Variants in CREBBP observed in about 807,000 individuals in gnomAD.
The protein encoded by CREBBP is CREB-binding protein.
A neutral mutation model predicts 265.0 loss-of-function variants in CREBBP; 19 were observed. The observed-to-expected ratio is 0.07, with a 90% CI of 0.05 to 0.11. The LOEUF (loss-of-function observed/expected upper bound fraction) is 0.11. Among genes scored for constraint, CREBBP ranks in the 10% least tolerant of loss-of-function variants. The probability of loss-of-function intolerance (pLI) is 1.00; values close to 1 mark genes in which losing one functional copy is unlikely to be tolerated. For missense variants in CREBBP, 2,525 were observed against 3,219.0 expected (o/e 0.78, Z 5.22); for synonymous variants, 1,457 against 1,223.7 (o/e 1.19, Z -3.98).
chr16:3,825,789 T>C (rs1240001296), intron 2 of CREBBP, among the ~76,000 whole-genome samples: 1 of 152,214 alleles, frequency 6.6e-6, no homozygotes, highest in Admixed American at 6.5e-5. Context: ...AAAGTTTTCA[T>C]TAAAATGTCA....
intron 12 of CREBBP, among the ~76,000 whole-genome samples, chr16:3,774,260 TCA>T (rs1420703311): frequency 6.6e-6 from 1 of 152,176 alleles, no homozygotes; most frequent in Admixed American, 6.5e-5. Flanking sequence ...CAGCGAGCTC[TCA>T]GTCAACAGAT....
chr16:3,837,470 G>A (rs1486946102), intron 2 of CREBBP, among the ~76,000 whole-genome samples: 3 of 151,996 alleles, frequency 2.0e-5, no homozygotes, highest in African/African-American at 7.2e-5. Flanking sequence ...CAGAAAATCA[G>A]GTGGGCGTGG....
At chr16:3,733,286 C>T (rs1201506470) in intron 28 of CREBBP, among the ~76,000 whole-genome samples, 2 of 148,864 alleles carry the variant, frequency 1.3e-5, no homozygotes, top group African/African-American at 2.5e-5. Flanking sequence ...GGTGTGAACC[C>T]GGGAGGCGGA....
At chr16:3,777,484 T>C in intron 11 of CREBBP, 129 bp downstream of exon 11, 1 of 998,494 alleles carries the variant, frequency 1.0e-6, no homozygotes, top group South Asian at 1.3e-5. Flanking sequence ...TGAATTCTGC[T>C]TATCAGCAAA....
At chr16:3,814,215 CTGTGTG>C (rs6145729) in intron 2 of CREBBP, among the ~76,000 whole-genome samples, 18,609 of 103,746 alleles carry the variant, frequency 0.18, 1,658 homozygotes, top group Non-Finnish European at 0.24. Context: ...GAGTCTCGTT[CTGTGTG>C]TGTGTGTGTG....
chr16:3,762,848 C>T (rs1465222974), intron 16 of CREBBP, among the ~76,000 whole-genome samples: 1 of 151,924 alleles, frequency 6.6e-6, no homozygotes, highest in Non-Finnish European at 1.5e-5. Flanking sequence ...GATCTCGGCT[C>T]ACTGCAAGCT....
intron 19 of CREBBP, among the ~76,000 whole-genome samples, chr16:3,756,688 C>G (rs912967142): frequency 1.3e-5 from 2 of 152,156 alleles, no homozygotes; most frequent in Non-Finnish European, 2.9e-5. Flanking sequence ...TTTCCTCTGC[C>G]TTATAGGAAG....
At chr16:3,740,350 C>T (rs374394028) in intron 24 of CREBBP, 49 bp downstream of exon 24, 31 of 1,609,002 alleles carry the variant, frequency 1.9e-5, no homozygotes, top group South Asian at 1.8e-4. Flanking sequence ...CTCTGGCAAG[C>T]GGGCGTGGGG....
At chr16:3,759,080 T>G in intron 16 of CREBBP, 108 bp from the exon 17 acceptor site, 2 of 868,284 alleles carry the variant, frequency 2.3e-6, no homozygotes, top group Non-Finnish European at 3.9e-6. Context: ...GCCACGATGC[T>G]CCTAAGGCAC....
In CREBBP at chr16:3,832,975, C is replaced by G. The variant is rs149837488; in HGVS notation, c.798+17322G>C. Among the ~76,000 whole-genome samples, 101 of 152,148 alleles carry G rather than the reference C, an allele frequency of 6.6e-4. 1 individual carries two copies. The East Asian group carries it at 0.017, about 26-fold the overall frequency. ...TCAGTAATCGCTTATGATCAAAAGACTCAGCAAACTAGAAACAGAATTCCT... is the reference window on the plus strand; with the variant it reads ...TCAGTAATCGCTTATGATCAAAAGAGTCAGCAAACTAGAAACAGAATTCCT... On this transcript the variant is annotated intron_variant, in intron 2 of 30. Coordinates refer to ENST00000262367, the MANE Select transcript of CREBBP (RefSeq NM_004380.3).
Position 3,810,765 on chromosome 16 carries a change from C to A in CREBBP, c.813G>T (p.Gly271=). The change falls in exon 3 of 31, where the codon GGG becomes GGT. Residue 271 remains glycine, a synonymous_variant. Transcript: ENST00000262367. The part of the protein sequence containing the change: ...AGGMAKMGIT[G]NTSPFGQPFS... ...AGGGCTGTCCAAATGGACTTGTGTT[C>A]CCAGTTATTCCCATCTGAAACAAAA... The A allele has an allele frequency of 6.2e-7, 1 of 1,613,818 alleles. No individual in the cohort carries two copies. The highest frequency in any genetic ancestry group is 1.3e-5 in the African/African-American group (1 of 74,992).
At chr16:3,867,041 T>C (rs2055191237) in intron 1 of CREBBP, among the ~76,000 whole-genome samples, 1 of 152,216 alleles carries the variant, frequency 6.6e-6, no homozygotes, top group Non-Finnish European at 1.5e-5. Context: ...TTAATGAAAA[T>C]GTTCTTAGAA....
At chr16:3,738,713 A>C (rs1178569340) in intron 25 of CREBBP, 41 bp from the exon 26 acceptor site, 3 of 1,277,132 alleles carry the variant, frequency 2.3e-6, no homozygotes, top group Non-Finnish European at 3.4e-6. Context: ...GGTATCCCTC[A>C]AATCTGAAAT....
Position 3,728,961 on chromosome 16 carries a change from T to G in CREBBP, c.6086A>C (p.Gln2029Pro), listed in dbSNP as rs1409919285. ...GQWQQAPLPQ[Q>P]QPMPGLPRPV... is the part of the protein sequence containing the mutation. ...CCTGGGCAAGCCTGGCATGGGCTGC[T>G]GCTGGGGAAGGGGCGCCTGCTGCCA... is the stretch of plus-strand genomic sequence containing the variant. The change falls in exon 31 of 31, where the codon CAG becomes CCG. Residue 2029 changes from glutamine to proline, a missense_variant. This residue lies in a region of CREBBP where 275 missense variants were observed against 276.5 expected (regional missense o/e 0.99). Transcript: ENST00000262367. This position sits in a 1 kb window ranked among gnomAD's most constrained non-coding sequence, Gnocchi z 8.7. 6.3e-7 allele frequency: 1 copy of G among 1,598,530 alleles called. No individual in the cohort carries two copies. Among genetic ancestry groups the G allele is most frequent in the East Asian group, 2.2e-5 (1 of 44,652 alleles).
Position 3,880,079 on chromosome 16 carries a change from A to AGGC in CREBBP, c.-166_-164dup, listed in dbSNP as rs2055498573. 1 of 345,102 alleles carries AGGC rather than the reference A, an allele frequency of 2.9e-6. No homozygotes were observed. Among genetic ancestry groups the AGGC allele is most frequent in the Non-Finnish European group, 4.8e-6 (1 of 208,550 alleles). 21.4% of individuals were successfully genotyped at this position (345,102 alleles called of 1,614,324 possible). A position where few individuals can be genotyped will look rare whatever the true frequency, so the allele number is the denominator to read the frequency against. ...AGGGAGGGCGCAGGCCGGGTGGGGGAGGCGGCGGCCAAATCTCAGCCACAG... is the reference window on the plus strand; with the variant it reads ...AGGGAGGGCGCAGGCCGGGTGGGGGAGGCGGCGGCGGCCAAATCTCAGCCACAG... On this transcript the variant is annotated 5_prime_UTR_variant, in exon 1 of 31. Transcript: ENST00000262367.
intron 2 of CREBBP, among the ~76,000 whole-genome samples, chr16:3,826,003 C>T (rs1450748340): frequency 6.6e-6 from 1 of 152,230 alleles, no homozygotes; most frequent in African/African-American, 2.4e-5. Context: ...AGGTGGATTG[C>T]TTGAGCTCAG....
At chr16:3,757,219 T>A (rs1005788440) in intron 19 of CREBBP, 69 bp downstream of exon 19, 38 of 1,290,132 alleles carry the variant, frequency 2.9e-5, no homozygotes, top group Non-Finnish European at 2.2e-6. Context: ...AGAAATAATG[T>A]ACACAGACTA....
intron 11 of CREBBP, among the ~76,000 whole-genome samples, chr16:3,776,688 C>T (rs1213570802): frequency 2.6e-5 from 4 of 152,074 alleles, no homozygotes; most frequent in African/African-American, 4.8e-5. Context: ...CTAAGAGTAA[C>T]GTACCACACC....
At chr16:3,773,296 A>C (rs2053059416) in intron 13 of CREBBP, among the ~76,000 whole-genome samples, 1 of 152,216 alleles carries the variant, frequency 6.6e-6, no homozygotes, top group Admixed American at 6.5e-5. Flanking sequence ...GAAGGGAACT[A>C]TTGAAATGAT....
Sources: gnomAD v4.1 joint callset for allele counts (sites outside exome capture counted in the v4.1 genomes callset) on GRCh38, gnomAD v4.1.1 for gene constraint, gnomAD v4.1.1 regional missense constraint, Gnocchi (gnomAD v3.1) non-coding constraint, MANE v1.5 for transcripts, NCBI Gene and HGNC (gene_info 2026-07-23, HGNC 2026-07-21) for gene names.